Variants in ANKRD31 observed in about 807,000 individuals in gnomAD.
ANKRD31 encodes the protein ankyrin repeat domain 31.
ANKRD31 carries 147 observed loss-of-function variants against 186.0 expected under a neutral mutation model. The ratio of observed to expected loss-of-function variants is 0.79; its 90% CI spans 0.69 to 0.91. The LOEUF (loss-of-function observed/expected upper bound fraction) is 0.91. ANKRD31 is among the 40% of genes least tolerant of loss of function. The pLI is 0.00. For synonymous variants in ANKRD31, 673 were observed against 736.4 expected (o/e 0.91, Z 1.39); for missense variants, 1,986 against 2,148.8 (o/e 0.92, Z 1.50).
intron 24 of ANKRD31, among the ~76,000 whole-genome samples, chr5:75,083,251 G>A (rs1206552825): frequency 1.3e-5 from 2 of 152,106 alleles, no homozygotes; most frequent in African/African-American, 2.4e-5. Flanking sequence ...ACTTGTACTA[G>A]CATGTCAGCA....
chr5:75,215,690 C>T (rs549101812), intron 3 of ANKRD31, among the ~76,000 whole-genome samples: 36 of 151,056 alleles, frequency 2.4e-4, no homozygotes, highest in African/African-American at 7.9e-4. Context: ...CTCATCATTT[C>T]TAAAATAGTA....
chr5:75,182,102 G>C (rs1158836820), intron 10 of ANKRD31, among the ~76,000 whole-genome samples: 1 of 152,010 alleles, frequency 6.6e-6, no homozygotes, highest in Non-Finnish European at 1.5e-5. Flanking sequence ...AAATAAATAG[G>C]TCATGTGAAC....
intron 14 of ANKRD31, 121 bp downstream of exon 14, chr5:75,145,866 G>A: frequency 1.2e-6 from 1 of 843,876 alleles, no homozygotes; most frequent in Non-Finnish European, 1.7e-6. Flanking sequence ...CTCAAAATAT[G>A]GCCCACATGT....
In ANKRD31 at chr5:75,126,302, C is replaced by T. The variant is rs563403685; in HGVS notation, c.3877-8005G>A. On this transcript the variant is annotated intron_variant, in intron 17 of 25. Transcript: ENST00000506364. ...ACTAAAAATACAAAAATTAGGTGGG[C>T]ATGTTGGAGCATGCCTGTAATCCCA... Among the ~76,000 whole-genome samples the T allele has an allele frequency of 2.6e-5, 4 of 152,116 alleles. No individual in the cohort carries two copies. In the South Asian group the frequency reaches 6.2e-4, roughly 24 times the overall value.
intron 14 of ANKRD31, among the ~76,000 whole-genome samples, chr5:75,144,976 A>C (rs988255863): frequency 6.9e-6 from 1 of 145,156 alleles, no homozygotes; most frequent in Admixed American, 7.0e-5. Flanking sequence ...GTGGCCAAAA[A>C]ACATGAAAAA....
At chr5:75,085,790 T>A (rs1217729085) in intron 23 of ANKRD31, among the ~76,000 whole-genome samples, 1 of 152,186 alleles carries the variant, frequency 6.6e-6, no homozygotes, top group East Asian at 1.9e-4. Context: ...TATTAAATTG[T>A]TATGAGGATT....
At chr5:75,075,004 T>C (rs1561392765) in intron 25 of ANKRD31, among the ~76,000 whole-genome samples, 1 of 152,204 alleles carries the variant, frequency 6.6e-6, no homozygotes, top group Non-Finnish European at 1.5e-5. Context: ...ATTGTTTGCT[T>C]TTTCTTTTCT....
At chr5:75,142,254 C>T (rs937877330) in intron 15 of ANKRD31, among the ~76,000 whole-genome samples, 2 of 152,070 alleles carry the variant, frequency 1.3e-5, no homozygotes, top group African/African-American at 4.8e-5. Flanking sequence ...TATCTCATTT[C>T]TTGTATTCTT....
At chr5:75,185,594 G>A (rs1188747499) in intron 10 of ANKRD31, among the ~76,000 whole-genome samples, 1 of 151,966 alleles carries the variant, frequency 6.6e-6, no homozygotes, top group African/African-American at 2.4e-5. Flanking sequence ...AATAAGTGAT[G>A]GTGTCCTATT....
chr5:75,166,879 TA>T (rs1051521489), intron 11 of ANKRD31, among the ~76,000 whole-genome samples: 2 of 152,222 alleles, frequency 1.3e-5, no homozygotes, highest in African/African-American at 2.4e-5. Flanking sequence ...TCTCAAATTC[TA>T]ACTTTTCCAC....
intron 2 of ANKRD31, among the ~76,000 whole-genome samples, 193 bp downstream of exon 2, chr5:75,230,369 C>T (rs532369867): frequency 4.6e-5 from 7 of 152,240 alleles, no homozygotes; most frequent in African/African-American, 9.6e-5. Context: ...TTTAGAAGTT[C>T]GGTGATGTTC....
intron 23 of ANKRD31, among the ~76,000 whole-genome samples, chr5:75,089,601 T>C (rs145658604): frequency 6.6e-6 from 1 of 152,356 alleles, no homozygotes; most frequent in East Asian, 1.9e-4. Context: ...TTAAATATTG[T>C]AAAGAAAATC....
intron 2 of ANKRD31, among the ~76,000 whole-genome samples, chr5:75,222,965 G>A (rs146431686): frequency 0.018 from 2,683 of 152,264 alleles, 78 homozygotes; most frequent in African/African-American, 0.061. Flanking sequence ...ACCCAGTAAT[G>A]GGATTGCTGG....
chr5:75,135,490 C>G (rs945152704), intron 17 of ANKRD31, among the ~76,000 whole-genome samples: 3 of 152,120 alleles, frequency 2.0e-5, no homozygotes, highest in Non-Finnish European at 4.4e-5. Context: ...AGGAGAACTA[C>G]AAACCACTGC....
intron 10 of ANKRD31, among the ~76,000 whole-genome samples, chr5:75,184,174 G>A (rs1903838): frequency 0.46 from 69,283 of 151,884 alleles, 17,451 homozygotes; most frequent in African/African-American, 0.68. Flanking sequence ...TCAATAAATG[G>A]TGCTGGAAAA....
Position 75,068,437 on chromosome 5 carries a change from C to A in ANKRD31, c.*82G>T. ...TCATAAAGTGTATGTTAAAATAGGC[C>A]CACCAGATTATACAAGATGAAATAT... On this transcript the variant is annotated 3_prime_UTR_variant, in exon 26 of 26. Transcript: ENST00000506364. 3 of 1,309,552 alleles carry A rather than the reference C, an allele frequency of 2.3e-6. No individual in the cohort carries two copies. The highest frequency in any genetic ancestry group is 2.0e-5 in the South Asian group (1 of 49,406). 81.1% of individuals were successfully genotyped at this position (1,309,552 alleles called of 1,614,324 possible). A position where few individuals can be genotyped will look rare whatever the true frequency, so the allele number is the denominator to read the frequency against.
At chr5:75,188,774 T>C in intron 9 of ANKRD31, 126 bp from the exon 10 acceptor site, 2 of 774,298 alleles carry the variant, frequency 2.6e-6, no homozygotes, top group Non-Finnish European at 4.0e-6. Context: ...ACTCAGTCAA[T>C]AGTGTAGAAG....
At chr5:75,108,964 C>T (rs1747552060) in intron 20 of ANKRD31, among the ~76,000 whole-genome samples, 3 of 151,960 alleles carry the variant, frequency 2.0e-5, no homozygotes, top group Non-Finnish European at 4.4e-5. Flanking sequence ...TAAGAAACAA[C>T]AGAAATAAAT....
At chr5:75,072,592 G>A (rs978024374) in intron 25 of ANKRD31, among the ~76,000 whole-genome samples, 8 of 152,066 alleles carry the variant, frequency 5.3e-5, no homozygotes, top group Non-Finnish European at 1.0e-4. Flanking sequence ...TGCTATTTGG[G>A]GTTTTCTGTT....
Sources: gnomAD v4.1 joint callset for allele counts (sites outside exome capture counted in the v4.1 genomes callset) on GRCh38, gnomAD v4.1.1 for gene constraint, MANE v1.5 for transcripts, NCBI Gene and HGNC (gene_info 2026-07-23, HGNC 2026-07-21) for gene names.